The following PPP2R2C variants were observed in gnomAD, a reference collection of about 807,000 sequenced individuals.
The protein encoded by PPP2R2C is protein phosphatase 2 regulatory subunit Bgamma, also known as protein phosphatase 2, regulatory subunit B, gamma.
Under a neutral mutation model 45.3 loss-of-function variants are expected in PPP2R2C, and 10 were observed. The ratio of observed to expected loss-of-function variants is 0.22; its 90% CI spans 0.14 to 0.37. The LOEUF is 0.37. PPP2R2C is among the 10% of genes least tolerant of loss of function. The pLI is 1.00. For missense variants in PPP2R2C, 308 were observed against 619.7 expected, an observed-to-expected ratio of 0.50 and a Z score of 5.34; for synonymous variants, 257 against 245.4, an observed-to-expected ratio of 1.05 and a Z score of -0.44.
intron 2 of PPP2R2C, among the ~76,000 whole-genome samples, chr4:6,532,089 C>T (rs777933359): frequency 1.3e-5 from 2 of 152,224 alleles, no homozygotes; most frequent in Non-Finnish European, 2.9e-5. Flanking sequence ...CCATCAAGGG[C>T]TGTGTCACCA....
chr4:6,436,228 A>G (rs544887230), intron 1 of PPP2R2C, among the ~76,000 whole-genome samples: 31 of 152,360 alleles, frequency 2.0e-4, no homozygotes, highest in Admixed American at 7.8e-4. Context: ...AATCTATGGT[A>G]TTCTGCTATA....
chr4:6,561,228 C>A (rs943473378), intron 1 of PPP2R2C, among the ~76,000 whole-genome samples: 4 of 152,222 alleles, frequency 2.6e-5, no homozygotes, highest in African/African-American at 9.6e-5. Flanking sequence ...CACTCAACTT[C>A]CCTGTCCCTG....
chr4:6,432,692 A>C (rs1719686830), intron 1 of PPP2R2C, among the ~76,000 whole-genome samples: 1 of 152,230 alleles, frequency 6.6e-6, no homozygotes, highest in Admixed American at 6.5e-5. Flanking sequence ...ACTTCACACT[A>C]CAGGGATAGA....
At chr4:6,491,614 T>A (rs966902503) in intron 2 of PPP2R2C, among the ~76,000 whole-genome samples, 6 of 152,214 alleles carry the variant, frequency 3.9e-5, no homozygotes, top group Admixed American at 2.0e-4. Flanking sequence ...CCAAGTCTCA[T>A]GTCAAATTGC....
chr4:6,436,172 C>G (rs1300624307), intron 1 of PPP2R2C, among the ~76,000 whole-genome samples: 1 of 152,204 alleles, frequency 6.6e-6, no homozygotes, highest in Non-Finnish European at 1.5e-5. Flanking sequence ...GACTTCCCAG[C>G]CTCCAGAACT....
intron 2 of PPP2R2C, among the ~76,000 whole-genome samples, chr4:6,528,288 C>A (rs958793576): frequency 2.0e-5 from 3 of 152,146 alleles, no homozygotes; most frequent in Non-Finnish European, 4.4e-5. Flanking sequence ...TGGCTCGGGC[C>A]GGGAGGGCCC....
intron 2 of PPP2R2C, among the ~76,000 whole-genome samples, chr4:6,519,902 G>A (rs990570429): frequency 1.8e-5 from 2 of 113,814 alleles, no homozygotes; most frequent in Admixed American, 1.9e-4. Context: ...TGGGCTTGCA[G>A]TCAGGTAACC....
At chr4:6,381,999 G>T in intron 1 of PPP2R2C, 1 of 1,419,934 alleles carries the variant, frequency 7.0e-7, no homozygotes. Context: ...CAAGGCCCTA[G>T]CCTGGAAGAG....
At chr4:6,538,420 G>A (rs192006559) in intron 1 of PPP2R2C, among the ~76,000 whole-genome samples, 210 of 152,216 alleles carry the variant, frequency 1.4e-3, no homozygotes, top group African/African-American at 4.6e-3. Context: ...CCCCAGCGAC[G>A]CAAGCGTTTC....
At chr4:6,383,836 A>G (rs1423729979) in intron 1 of PPP2R2C, 13 of 992,808 alleles carry the variant, frequency 1.3e-5, no homozygotes, top group Non-Finnish European at 1.4e-5. Context: ...TATCTATCCA[A>G]GAAATGCCTT....
At chr4:6,476,679 C>A (rs1359743967), upstream of PPP2R2C, among the ~76,000 whole-genome samples, 2 of 152,288 alleles carry the variant, frequency 1.3e-5, no homozygotes, top group Admixed American at 6.5e-5. Context: ...CCAAAGATAA[C>A]CCCCATCTTG....
intron 6 of PPP2R2C, among the ~76,000 whole-genome samples, chr4:6,343,388 A>G (rs192555979): frequency 4.5e-4 from 69 of 152,334 alleles, no homozygotes; most frequent in African/African-American, 1.2e-3. Context: ...TTCTAGAAAA[A>G]TTTTAAATAA....
At position 6,384,972 on chromosome 4, in the gene PPP2R2C, C is replaced by G. The variant is rs1018397001; in HGVS notation, c.71-3878G>C. ...ATCTGTAGTGTGCTTATGGTGGAGC[C>G]TTCCCAGGATTAGAGGTTCAAGTGA... On this transcript the variant is annotated intron_variant, in intron 1 of 8. Transcript: ENST00000382599. The G allele has an allele frequency of 5.5e-6, 3 of 547,552 alleles. No individual in the cohort carries two copies. In the African/African-American group the frequency reaches 6.2e-5, roughly 11 times the overall value. The allele number at this position is 547,552 out of a possible 1,614,324, so 33.9% of individuals were successfully genotyped here.
At chr4:6,489,483 A>T (rs993931136) in intron 2 of PPP2R2C, among the ~76,000 whole-genome samples, 16 of 151,026 alleles carry the variant, frequency 1.1e-4, no homozygotes, top group African/African-American at 3.7e-4. Context: ...GCTCCACAAA[A>T]CTCCTTTTAT....
chr4:6,339,458 G>A (rs1010474888), intron 6 of PPP2R2C, among the ~76,000 whole-genome samples: 3 of 152,268 alleles, frequency 2.0e-5, no homozygotes, highest in African/African-American at 7.2e-5. Flanking sequence ...GCCTGGCAGA[G>A]AAGCCTCAGC....
chr4:6,334,880 C>T (rs559277198), intron 6 of PPP2R2C, among the ~76,000 whole-genome samples: 1 of 152,316 alleles, frequency 6.6e-6, no homozygotes, highest in Admixed American at 6.5e-5. Context: ...CCCTGCTGGC[C>T]CCTCTCAGCC....
chr4:6,378,211 G>A lies in PPP2R2C; in HGVS notation c.334+196C>T, dbSNP rs893909953. 2 of 721,334 alleles carry A rather than the reference G, an allele frequency of 2.8e-6. No individual in the cohort carries two copies. The highest frequency in any genetic ancestry group is 3.4e-6 in the Non-Finnish European group (2 of 589,280). The allele number at this position is 721,334 out of a possible 1,614,324, so 44.7% of individuals were successfully genotyped here. ...TGCTCAAAAAGGGGGGCAGCCCTGT[G>A]TCCAGACACAGGGAGCGTCTGAGGG... On this transcript the variant is annotated intron_variant, in intron 3 of 8. Coordinates refer to ENST00000382599, the MANE Select transcript of PPP2R2C (RefSeq NM_020416.4). The surrounding 1 kb of genome is among the most constrained non-coding windows in gnomAD (Gnocchi z 5.2).
chr4:6,389,751 C>T (rs1420284901), intron 1 of PPP2R2C, among the ~76,000 whole-genome samples: 1 of 152,222 alleles, frequency 6.6e-6, no homozygotes, highest in Non-Finnish European at 1.5e-5. Context: ...TTCTTAACAA[C>T]TCCAAGATGT....
rs1015723374 is a variant in PPP2R2C, at chr4:6,331,091, G to A, written c.961-1738C>T. Among the ~76,000 whole-genome samples, 4 of 152,162 alleles carry A rather than the reference G, an allele frequency of 2.6e-5. No homozygotes were observed. Among genetic ancestry groups the A allele is most frequent in the African/African-American group, 9.7e-5 (4 of 41,436 alleles). ...AAATCAAGGGGGATGAATGGCAGCA[G>A]GTTTTAGTGTTCGTGTCCCACCCCC... On this transcript the variant is annotated intron_variant, in intron 7 of 8. Transcript: ENST00000382599. The surrounding 1 kb of genome is among the most constrained non-coding windows in gnomAD (Gnocchi z 5.9).
Sources: gnomAD v4.1 joint callset for allele counts (sites outside exome capture counted in the v4.1 genomes callset) on GRCh38, gnomAD v4.1.1 for gene constraint, Gnocchi (gnomAD v3.1) non-coding constraint, MANE v1.5 for transcripts, NCBI Gene and HGNC (gene_info 2026-07-23, HGNC 2026-07-21) for gene names.